LHCGR: variants seen among roughly 807,000 people sequenced by gnomAD.
LHCGR encodes the protein lutropin-choriogonadotropic hormone receptor.
A neutral mutation model predicts 60.7 loss-of-function variants in LHCGR; 55 were observed. The ratio of observed to expected loss-of-function variants is 0.91; its 90% confidence interval spans 0.73 to 1.13. The LOEUF is 1.13. Ranked by LOEUF, LHCGR falls within the 50% of genes most tolerant of loss-of-function variation. The pLI is 0.00. For missense variants in LHCGR, 862 were observed against 836.0 expected, an observed-to-expected ratio of 1.03 and a Z score of -0.38; for synonymous variants, 337 against 316.5, an observed-to-expected ratio of 1.06 and a Z score of -0.69.
Position 48,699,424 on chromosome 2 carries a change from C to T in LHCGR, c.681-624G>A, listed in dbSNP as rs538847084. ...TTCCTCCCCACCCTCTCTCTTCCTC[C>T]ACTTCTCTCTACTTAGCAGAAGTGA... is the stretch of plus-strand genomic sequence containing the variant. On this transcript the variant is annotated intron_variant, in intron 8 of 10. Transcript: ENST00000294954. Among the ~76,000 whole-genome samples, 15 of 152,294 alleles carry T rather than the reference C, an allele frequency of 9.8e-5. No homozygotes were observed. In the South Asian group the frequency reaches 2.7e-3, roughly 27 times the overall value.
At chr2:48,697,349 A>G (rs528953408) in intron 9 of LHCGR, among the ~76,000 whole-genome samples, 1 of 152,166 alleles carries the variant, frequency 6.6e-6, no homozygotes, top group Non-Finnish European at 1.5e-5. Context: ...CTGTTCTCAG[A>G]TCTGTCATAA....
intron 1 of LHCGR, among the ~76,000 whole-genome samples, chr2:48,735,233 T>C (rs371557363): frequency 6.6e-6 from 1 of 152,218 alleles, no homozygotes; most frequent in African/African-American, 2.4e-5. Context: ...CGAAACAGTC[T>C]GTCCTCCTTA....
At chr2:48,745,314 A>G (rs1669647421) in intron 1 of LHCGR, among the ~76,000 whole-genome samples, 1 of 152,220 alleles carries the variant, frequency 6.6e-6, no homozygotes, top group Non-Finnish European at 1.5e-5. Context: ...TAGAATTAGA[A>G]ATACCATTTG....
chr2:48,753,310 C>G (rs1381995174), intron 1 of LHCGR, among the ~76,000 whole-genome samples: 1 of 152,206 alleles, frequency 6.6e-6, no homozygotes, highest in Non-Finnish European at 1.5e-5. Context: ...CCTCTCTTGT[C>G]ATATGGATGT....
intron 8 of LHCGR, among the ~76,000 whole-genome samples, chr2:48,706,165 C>T (rs190888908): frequency 1.3e-5 from 2 of 152,282 alleles, no homozygotes; most frequent in East Asian, 3.9e-4. Context: ...CTTAATTTGG[C>T]TGGATATGAA....
At chr2:48,754,600 C>G (rs571322933) in intron 1 of LHCGR, among the ~76,000 whole-genome samples, 1 of 152,226 alleles carries the variant, frequency 6.6e-6, no homozygotes, top group African/African-American at 2.4e-5. Flanking sequence ...TCACCACCCC[C>G]CCGCCCCAAG....
chr2:48,696,402 C>T (rs1667115809), intron 9 of LHCGR, among the ~76,000 whole-genome samples: 1 of 152,152 alleles, frequency 6.6e-6, no homozygotes, highest in South Asian at 2.1e-4. Context: ...GGGTGCAAGG[C>T]CGCAACCAGA....
chr2:48,740,543 T>C (rs4953621), intron 1 of LHCGR, among the ~76,000 whole-genome samples: 56,841 of 151,516 alleles, frequency 0.38, 11,947 homozygotes, highest in East Asian at 0.69. Flanking sequence ...CCCTGACCCC[T>C]GAGCAGCCTA....
intron 1 of LHCGR, among the ~76,000 whole-genome samples, chr2:48,745,509 T>C (rs987836295): frequency 3.9e-5 from 6 of 152,072 alleles, no homozygotes; most frequent in African/African-American, 1.4e-4. Flanking sequence ...TGGAATACCA[T>C]ACAGCCATAA....
At chr2:48,745,386 C>G (rs1394778048) in intron 1 of LHCGR, among the ~76,000 whole-genome samples, 1 of 152,160 alleles carries the variant, frequency 6.6e-6, no homozygotes, top group African/African-American at 2.4e-5. Flanking sequence ...GCTATAAAGA[C>G]ACATGCACAC....
chr2:48,691,843 C>G (rs1282200384), intron 10 of LHCGR, among the ~76,000 whole-genome samples: 3 of 109,660 alleles, frequency 2.7e-5, no homozygotes, highest in African/African-American at 1.4e-4. Context: ...GAGATTCTGT[C>G]TCAAAAAAAA....
chr2:48,700,863 T>G (rs570145280), intron 8 of LHCGR, among the ~76,000 whole-genome samples: 27 of 152,252 alleles, frequency 1.8e-4, no homozygotes, highest in African/African-American at 6.3e-4. Flanking sequence ...GAGTTAGGAT[T>G]GACAACGACA....
At chr2:48,719,150 A>G (rs1668391136) in intron 6 of LHCGR, among the ~76,000 whole-genome samples, 2 of 152,038 alleles carry the variant, frequency 1.3e-5, no homozygotes, top group Non-Finnish European at 2.9e-5. Flanking sequence ...GTGAAACTCC[A>G]TCTCTATTAA....
chr2:48,755,620 G>GCAGCTGCAGCAGCAGCAGCAGCTT lies in LHCGR; in HGVS notation c.51_52insAAGCTGCTGCTGCTGCTGCAGCTG (p.Leu17_Gln18insLysLeuLeuLeuLeuLeuGlnLeu), dbSNP rs1670176611. The stretch of plus-strand genomic sequence containing the variant: ...CGCAGCGCTCGTGGCAGCGGCGGCT[G>GCAGCTGCAGCAGCAGCAGCAGCTT]CAGCAGCAGCAGCAGCTTCAGCAGC... On this transcript the variant is annotated inframe_insertion, in exon 1 of 11. Transcript: ENST00000294954. The GCAGCTGCAGCAGCAGCAGCAGCTT allele has an allele frequency of 7.9e-6, 12 of 1,523,290 alleles. No individual in the cohort carries two copies. Among genetic ancestry groups the GCAGCTGCAGCAGCAGCAGCAGCTT allele is most frequent in the African/African-American group, 1.4e-5 (1 of 72,476 alleles). The allele number at this position is 1,523,290 out of a possible 1,614,324, so 94.4% of individuals were successfully genotyped here.
At chr2:48,727,089 C>T (rs1668771108) in intron 3 of LHCGR, among the ~76,000 whole-genome samples, 1 of 151,902 alleles carries the variant, frequency 6.6e-6, no homozygotes, top group Non-Finnish European at 1.5e-5. Context: ...AATCATAGGC[C>T]ATATAGAGCC....
At chr2:48,721,204 G>A (rs1228819960) in intron 6 of LHCGR, 1 of 155,178 alleles carries the variant, frequency 6.4e-6, no homozygotes, top group East Asian at 1.9e-4. Flanking sequence ...CATGTGGGGA[G>A]ACCCCAAATC....
rs1668600452 is a variant in LHCGR, at chr2:48,723,753, T to C, written c.384-57A>G. ...AGAGAGTGGGTAAAAGTGATTGTCA[T>C]TAAGACATAAAGATAAAAAGAGAGT... On this transcript the variant is annotated intron_variant, in intron 4 of 10. Coordinates refer to ENST00000294954, the MANE Select transcript of LHCGR (RefSeq NM_000233.4). 6 of 1,234,838 alleles carry C rather than the reference T, an allele frequency of 4.9e-6. 1 individual carries two copies. The East Asian group carries it at 1.4e-4, about 29-fold the overall frequency. 76.5% of individuals were successfully genotyped at this position (1,234,838 alleles called of 1,614,324 possible).
intron 3 of LHCGR, among the ~76,000 whole-genome samples, chr2:48,728,617 G>A (rs1196514124): frequency 6.6e-6 from 1 of 152,056 alleles, no homozygotes; most frequent in Non-Finnish European, 1.5e-5. Context: ...TATCCTTTTT[G>A]TGATTTTTTG....
chr2:48,726,205 T>C (rs1668718604), intron 3 of LHCGR, among the ~76,000 whole-genome samples: 1 of 152,146 alleles, frequency 6.6e-6, no homozygotes, highest in African/African-American at 2.4e-5. Context: ...CATGAGCAGT[T>C]ATACCGAGGG....
Sources: allele counts gnomAD v4.1 joint callset (sites outside exome capture counted in the v4.1 genomes callset), GRCh38; gene constraint gnomAD v4.1.1; transcripts MANE v1.5; gene names NCBI Gene and HGNC (gene_info 2026-07-23, HGNC 2026-07-21).